GALNTL6: variants seen among roughly 807,000 people sequenced by gnomAD.
GALNTL6 encodes polypeptide N-acetylgalactosaminyltransferase-like 6.
A neutral mutation model predicts 73.7 loss-of-function variants in GALNTL6; 46 were observed. The observed-to-expected ratio is 0.62, with a 90% CI of 0.49 to 0.80. The LOEUF (loss-of-function observed/expected upper bound fraction) is 0.80. Ranked by LOEUF, GALNTL6 falls within the 30% of genes least tolerant of loss-of-function variation. The pLI, the probability that GALNTL6 is intolerant of heterozygous loss-of-function variation, is 0.00. For missense variants in GALNTL6, 604 were observed against 755.0 expected (o/e 0.80, Z 2.34); for synonymous variants, 259 against 263.7 (o/e 0.98, Z 0.17).
At chr4:172,391,333 A>T (rs1240674695) in intron 5 of GALNTL6, among the ~76,000 whole-genome samples, 1 of 152,080 alleles carries the variant, frequency 6.6e-6, no homozygotes, top group Non-Finnish European at 1.5e-5. Context: ...AGCCACTTCT[A>T]TTCTTTTACT....
At position 173,003,636 on chromosome 4, in the gene GALNTL6, C is replaced by A. The variant is rs148571463; in HGVS notation, c.1372-5542C>A. Among the ~76,000 whole-genome samples, 357 of 152,286 alleles carry A rather than the reference C, an allele frequency of 2.3e-3. 2 individuals carry two copies. Among genetic ancestry groups the A allele is most frequent in the African/African-American group, 8.1e-3 (337 of 41,554 alleles). The stretch of plus-strand genomic sequence containing the variant: ...TCACAACTGCCCTCTGAGGCATGAT[C>A]GTCTTCATTTTACAAACCTTATGTT... On this transcript the variant is annotated intron_variant, in intron 10 of 12. Coordinates refer to ENST00000506823, the MANE Select transcript of GALNTL6 (RefSeq NM_001034845.3).
chr4:171,947,424 T>C (rs1303311519), intron 2 of GALNTL6, among the ~76,000 whole-genome samples: 1 of 151,700 alleles, frequency 6.6e-6, no homozygotes, highest in Admixed American at 6.7e-5. Flanking sequence ...AGTAGTAATA[T>C]ATCTAGGTCA....
intron 2 of GALNTL6, among the ~76,000 whole-genome samples, chr4:171,944,075 C>T (rs1445258777): frequency 2.6e-5 from 4 of 151,678 alleles, no homozygotes; most frequent in Non-Finnish European, 5.9e-5. Context: ...AATTTACATA[C>T]AATGATATCA....
chr4:172,091,824 T>C (rs1164201021), intron 2 of GALNTL6, among the ~76,000 whole-genome samples: 1 of 152,146 alleles, frequency 6.6e-6, no homozygotes, highest in Non-Finnish European at 1.5e-5. Flanking sequence ...TATAGATAGC[T>C]GAAGAGAGAG....
chr4:172,731,166 C>CCAT (rs1272635588), intron 5 of GALNTL6, among the ~76,000 whole-genome samples: 1 of 151,718 alleles, frequency 6.6e-6, no homozygotes, highest in Non-Finnish European at 1.5e-5. Context: ...AACAGGGAAT[C>CCAT]CATCAGATTC....
chr4:172,238,034 T>C (rs1489510457), intron 3 of GALNTL6, among the ~76,000 whole-genome samples: 2 of 152,206 alleles, frequency 1.3e-5, no homozygotes, highest in Non-Finnish European at 2.9e-5. Flanking sequence ...CCTTCAGCTT[T>C]GTTCTTTTTG....
chr4:172,778,445 C>CAT (rs1739189970), intron 5 of GALNTL6, among the ~76,000 whole-genome samples: 1 of 152,188 alleles, frequency 6.6e-6, no homozygotes, highest in Non-Finnish European at 1.5e-5. Flanking sequence ...GTTCATGATA[C>CAT]ATAACAGCTA....
intron 5 of GALNTL6, among the ~76,000 whole-genome samples, chr4:172,519,809 TTGA>T (rs1419314737): frequency 7.2e-5 from 11 of 151,792 alleles, no homozygotes; most frequent in Admixed American, 2.0e-4. Context: ...GGTTCAGTTC[TTGA>T]TGACCTGTGA....
At chr4:172,267,256 A>G (rs1474533238) in intron 3 of GALNTL6, among the ~76,000 whole-genome samples, 4 of 152,144 alleles carry the variant, frequency 2.6e-5, no homozygotes, top group Non-Finnish European at 4.4e-5. Context: ...ATGTAATGAG[A>G]GCAGGAAAGG....
At chr4:171,890,995 A>T (rs1211263664) in intron 2 of GALNTL6, among the ~76,000 whole-genome samples, 1 of 151,818 alleles carries the variant, frequency 6.6e-6, no homozygotes, top group African/African-American at 2.4e-5. Flanking sequence ...CTGTTACTCC[A>T]GGTCCTTCCA....
intron 2 of GALNTL6, among the ~76,000 whole-genome samples, chr4:171,826,381 C>A (rs1002377312): frequency 2.0e-4 from 30 of 152,156 alleles, no homozygotes; most frequent in Non-Finnish European, 3.5e-4. Flanking sequence ...AATATGGAAC[C>A]TCTATCCAGA....
intron 5 of GALNTL6, among the ~76,000 whole-genome samples, chr4:172,568,606 A>C: frequency 6.6e-6 from 1 of 151,482 alleles, no homozygotes; most frequent in African/African-American, 2.4e-5. Flanking sequence ...AATACAAAAA[A>C]AATTAGCCGG....
Position 172,913,392 on chromosome 4 carries a change from T to C in GALNTL6, c.1042-17769T>C, listed in dbSNP as rs537393418. On this transcript the variant is annotated intron_variant, in intron 8 of 12. Transcript: ENST00000506823. ...AACAAAGCTGGACGGAGAATGACTT[T>C]GATGAGTTGACAGAAGTAGGCTTCA... is the stretch of plus-strand genomic sequence containing the variant. Among the ~76,000 whole-genome samples the C allele has an allele frequency of 2.0e-4, 30 of 152,312 alleles. No individual in the cohort carries two copies. In the South Asian group the frequency reaches 6.0e-3, roughly 31 times the overall value.
chr4:172,010,464 T>C (rs1046655460), intron 2 of GALNTL6, among the ~76,000 whole-genome samples: 21 of 152,046 alleles, frequency 1.4e-4, no homozygotes, highest in African/African-American at 4.8e-4. Flanking sequence ...CCAAAATGAA[T>C]TGGGGCAGTA....
At chr4:172,675,003 C>G (rs1300099390) in intron 5 of GALNTL6, among the ~76,000 whole-genome samples, 1 of 152,136 alleles carries the variant, frequency 6.6e-6, no homozygotes, top group Non-Finnish European at 1.5e-5. Flanking sequence ...AATTCAAAAC[C>G]CTTGCTGGAG....
intron 2 of GALNTL6, among the ~76,000 whole-genome samples, chr4:172,141,852 C>A (rs1733807957): frequency 6.6e-6 from 1 of 150,844 alleles, no homozygotes; most frequent in African/African-American, 2.4e-5. Flanking sequence ...TAAGCTATGA[C>A]TGATAGGACT....
intron 2 of GALNTL6, among the ~76,000 whole-genome samples, chr4:172,193,179 T>A (rs1735638137): frequency 6.6e-6 from 1 of 152,182 alleles, no homozygotes; most frequent in Admixed American, 6.5e-5. Flanking sequence ...CCAGAGTGCT[T>A]CATTAAGTGA....
intron 7 of GALNTL6, among the ~76,000 whole-genome samples, chr4:172,859,702 A>G (rs2017569): frequency 1 from 151,655 of 152,292 alleles, 75,514 homozygotes; most frequent in Middle Eastern, 1. Context: ...CAGCAAGCGA[A>G]CAAAACTTCA....
chr4:172,946,034 C>T (rs577695666), intron 9 of GALNTL6, among the ~76,000 whole-genome samples: 1 of 152,082 alleles, frequency 6.6e-6, no homozygotes, highest in Non-Finnish European at 1.5e-5. Context: ...TATGGATACA[C>T]CTCCTTGCTG....
Sources: allele counts gnomAD v4.1 joint callset (sites outside exome capture counted in the v4.1 genomes callset), GRCh38; gene constraint gnomAD v4.1.1; transcripts MANE v1.5; gene names NCBI Gene and HGNC (gene_info 2026-07-23, HGNC 2026-07-21).